Variants in HTR1A observed in about 807,000 individuals in gnomAD.
HTR1A encodes 5-hydroxytryptamine receptor 1A, also known as 5-HT1a receptor.
HTR1A carries 17 observed loss-of-function variants against 24.6 expected under a neutral mutation model. The observed-to-expected ratio is 0.69, with a 90% CI of 0.47 to 1.04. The LOEUF (loss-of-function observed/expected upper bound fraction) is 1.04. HTR1A is among the 50% of genes least tolerant of loss of function. The probability of loss-of-function intolerance (pLI) is 0.00; values close to 1 mark genes in which losing one functional copy is unlikely to be tolerated. For missense variants in HTR1A, 515 were observed against 565.1 expected, an observed-to-expected ratio of 0.91 and a Z score of 0.90; for synonymous variants, 262 against 244.6, an observed-to-expected ratio of 1.07 and a Z score of -0.67.
chr5:63,960,698 C>T lies in HTR1A; in HGVS notation c.1022G>A (p.Arg341Lys), dbSNP rs747762187. The change falls in exon 1 of 1, where the codon AGG becomes AAG. Residue 341 changes from arginine to lysine, a missense_variant. By Grantham distance (26) the Arg-to-Lys change is conservative. This residue lies in a region of HTR1A where 381 missense variants were observed against 384.5 expected (regional missense o/e 0.99). Coordinates refer to ENST00000323865, the MANE Select transcript of HTR1A (RefSeq NM_000524.4). The stretch of plus-strand genomic sequence containing the variant: ...GATGCCCAGCGTCTTCACTGTCTTC[C>T]TCTCTCGGGCCAGGGCCATCTTGCG... The part of the protein sequence containing the change: ...AKRKMALARE[R>K]KTVKTLGIIM... 2.5e-6 allele frequency: 4 copies of T among 1,614,130 alleles called. No individual in the cohort carries two copies. In the African/African-American group the frequency reaches 5.3e-5, roughly 22 times the overall value.
Position 63,960,919 on chromosome 5 carries a change from C to T in HTR1A, c.801G>A (p.Val267=), listed in dbSNP as rs143647030. 3 of 1,614,052 alleles carry T rather than the reference C, an allele frequency of 1.9e-6. No homozygotes were observed. The highest frequency in any genetic ancestry group is 2.5e-6 in the Non-Finnish European group (3 of 1,179,924). Residue 267 remains valine, a synonymous_variant, in exon 1 of 1, where the codon GTG becomes GTA. Coordinates refer to ENST00000323865, the MANE Select transcript of HTR1A (RefSeq NM_000524.4). ...ACAGAGCACCCCCAGCCTTGCTCTC[C>T]ACGCCCAGCCTCCAGTTCCTGCTCC... ...ESGSRNWRLG[V]ESKAGGALCA... is the part of the protein sequence containing the mutation.
At position 63,959,792 on chromosome 5, in the gene HTR1A, A is replaced by T. The variant is rs1482567047; in HGVS notation, c.*659T>A. Among the ~76,000 whole-genome samples the T allele has an allele frequency of 6.6e-6, 1 of 152,218 alleles. No homozygotes were observed. The highest frequency in any genetic ancestry group is 2.4e-5 in the African/African-American group (1 of 41,470). The stretch of plus-strand genomic sequence containing the variant: ...GGGTTGTGCACTGCACGAGAGAGTT[A>T]ATCTCAAGTCTGCGAGAAGACGGGG... On this transcript the variant is annotated 3_prime_UTR_variant, in exon 1 of 1. Transcript: ENST00000323865.
Position 63,960,316 on chromosome 5 carries a change from C to G in HTR1A, c.*135G>C, listed in dbSNP as rs1039048885. The stretch of plus-strand genomic sequence containing the variant: ...GCAGGAAGTGGGGAGGGGACCAGGT[C>G]TGCAAGCCGTGAGCGGAGCAGAGAG... On this transcript the variant is annotated 3_prime_UTR_variant, in exon 1 of 1. Coordinates refer to ENST00000323865, the MANE Select transcript of HTR1A (RefSeq NM_000524.4). The G allele has an allele frequency of 1.0e-6, 1 of 980,382 alleles. No homozygotes were observed. Among genetic ancestry groups the G allele is most frequent in the East Asian group, 2.4e-5 (1 of 41,844 alleles). The allele number at this position is 980,382 out of a possible 1,614,324, so 60.7% of individuals were successfully genotyped here.
chr5:63,958,309 C>G lies in HTR1A; in HGVS notation c.*2142G>C, dbSNP rs1025688739. 5.3e-5 allele frequency among the ~76,000 whole-genome samples: 8 copies of G among 152,140 alleles called. No homozygotes were observed. The highest frequency in any genetic ancestry group is 1.9e-4 in the African/African-American group (8 of 41,424). ...TTATACATGCATAGACAAACTATTCCCAAAGTTCTAAAACTTTCCCTGTTT... is the reference window on the plus strand; with the variant it reads ...TTATACATGCATAGACAAACTATTCGCAAAGTTCTAAAACTTTCCCTGTTT... On this transcript the variant is annotated 3_prime_UTR_variant, in exon 1 of 1. Transcript: ENST00000323865.
In HTR1A at chr5:63,958,492, G is replaced by A. The variant is rs1278154733; in HGVS notation, c.*1959C>T. ...AATGAACTTTTCACTGGCAATTTTT[G>A]CAATCTGTAAATGTAATACGGTTCT... On this transcript the variant is annotated 3_prime_UTR_variant, in exon 1 of 1. Coordinates refer to ENST00000323865, the MANE Select transcript of HTR1A (RefSeq NM_000524.4). Among the ~76,000 whole-genome samples, 1 of 152,128 alleles carries A rather than the reference G, an allele frequency of 6.6e-6. No homozygotes were observed. Among genetic ancestry groups the A allele is most frequent in the African/African-American group, 2.4e-5 (1 of 41,432 alleles).
At position 63,960,721 on chromosome 5, in the gene HTR1A, G is replaced by A; in HGVS notation, c.999C>T (p.Arg333=). Residue 333 remains arginine (R), a synonymous_variant, in exon 1 of 1, where the codon CGC becomes CGT. Transcript: ENST00000323865. ...RKNERNAEAK[R]KMALARERKT... ...TCCTCTCTCGGGCCAGGGCCATCTT[G>A]CGCTTCGCCTCGGCGTTGCGCTCAT... 1 of 1,614,262 alleles carries A rather than the reference G, an allele frequency of 6.2e-7. No homozygotes were observed.
Position 63,962,066 on chromosome 5 carries a change from G to C in HTR1A, c.-347C>G. 1 of 414,542 alleles carries C rather than the reference G, an allele frequency of 2.4e-6. No homozygotes were observed. Among genetic ancestry groups the C allele is most frequent in the Non-Finnish European group, 4.5e-6 (1 of 220,336 alleles). The allele number at this position is 414,542 out of a possible 1,614,324, so 25.7% of individuals were successfully genotyped here. A position where few individuals can be genotyped will look rare whatever the true frequency, so the allele number is the denominator to read the frequency against. On this transcript the variant is annotated 5_prime_UTR_variant, in exon 1 of 1. Coordinates refer to ENST00000323865, the MANE Select transcript of HTR1A (RefSeq NM_000524.4). ...GCTCCCGAACTGGCTGCCGGAGCTGGAGTCTCCCCACTAGCAAACAGTCTC... is the reference window on the plus strand; with the variant it reads ...GCTCCCGAACTGGCTGCCGGAGCTGCAGTCTCCCCACTAGCAAACAGTCTC...
Position 63,960,735 on chromosome 5 carries a change from C to G in HTR1A, c.985G>C (p.Ala329Pro). Residue 329 changes from alanine to proline, a missense_variant, in exon 1 of 1, where the codon GCC becomes CCC. This residue lies in a region of HTR1A where 381 missense variants were observed against 384.5 expected (regional missense o/e 0.99). Coordinates refer to ENST00000323865, the MANE Select transcript of HTR1A (RefSeq NM_000524.4). ...AGGGCCATCTTGCGCTTCGCCTCGG[C>G]GTTGCGCTCATTTTTCCTCTCGAAA... Reference protein sequence around the residue: ...ASFERKNERNAEAKRKMALAR... With the variant: ...ASFERKNERNPEAKRKMALAR... 2 of 1,614,222 alleles carry G rather than the reference C, an allele frequency of 1.2e-6. No homozygotes were observed. The highest frequency in any genetic ancestry group is 1.7e-6 in the Non-Finnish European group (2 of 1,180,026).
At position 63,961,654 on chromosome 5, in the gene HTR1A, G is replaced by A. The variant is rs200335552; in HGVS notation, c.66C>T (p.Gly22=). 39 of 1,613,834 alleles carry A rather than the reference G, an allele frequency of 2.4e-5. 1 individual carries two copies. In the African/African-American group the frequency reaches 3.6e-4, roughly 15 times the overall value. The change falls in exon 1 of 1, where the codon GGC becomes GGT. Residue 22 remains glycine, a synonymous_variant. Transcript: ENST00000323865. Reference sequence around the variant, plus strand: ...CGTCGGAGATACCAGTAGTGTTGCCGCCGGTCTCAAAGGGAGCCGGTGGTG... The same window carrying A: ...CGTCGGAGATACCAGTAGTGTTGCCACCGGTCTCAAAGGGAGCCGGTGGTG... ...TTSPPAPFET[G]GNTTGISDVT...
At position 63,959,456 on chromosome 5, in the gene HTR1A, G is replaced by C. The variant is rs938132613; in HGVS notation, c.*995C>G. Reference sequence around the variant, plus strand: ...CGAGAGCACAGATGGCTGGGGAGGCGCGCGGATTCCAGGCCTCTCAGCTTC... The same window carrying C: ...CGAGAGCACAGATGGCTGGGGAGGCCCGCGGATTCCAGGCCTCTCAGCTTC... On this transcript the variant is annotated 3_prime_UTR_variant, in exon 1 of 1. Coordinates refer to ENST00000323865, the MANE Select transcript of HTR1A (RefSeq NM_000524.4). Among the ~76,000 whole-genome samples, 1 of 152,378 alleles carries C rather than the reference G, an allele frequency of 6.6e-6. No homozygotes were observed. Among genetic ancestry groups the C allele is most frequent in the African/African-American group, 2.4e-5 (1 of 41,602 alleles).
In HTR1A at chr5:63,959,197, A is replaced by C. The variant is rs1406942853; in HGVS notation, c.*1254T>G. On this transcript the variant is annotated 3_prime_UTR_variant, in exon 1 of 1. Coordinates refer to ENST00000323865, the MANE Select transcript of HTR1A (RefSeq NM_000524.4). Reference sequence around the variant, plus strand: ...TTGCTCTTTCAGGTTTTACTGGGGGAGCCAGCTGGAGCCTTGGGCACGCGC... The same window carrying C: ...TTGCTCTTTCAGGTTTTACTGGGGGCGCCAGCTGGAGCCTTGGGCACGCGC... Among the ~76,000 whole-genome samples the C allele has an allele frequency of 6.6e-6, 1 of 152,176 alleles. No individual in the cohort carries two copies. The highest frequency in any genetic ancestry group is 6.5e-5 in the Admixed American group (1 of 15,280).
rs1346032728 is a variant in HTR1A at position 63,960,108 on chromosome 5, T to C, written c.*343A>G. ...ATTTTTTGGATTTTCTGCCTTGAAC[T>C]AAGCATTAAACATCCACCGCAAAGA... On this transcript the variant is annotated 3_prime_UTR_variant, in exon 1 of 1. Transcript: ENST00000323865. 2.0e-5 allele frequency among the ~76,000 whole-genome samples: 3 copies of C among 152,200 alleles called. No homozygotes were observed. The highest frequency in any genetic ancestry group is 4.8e-5 in the African/African-American group (2 of 41,450).
In HTR1A at chr5:63,960,438, T is replaced by C. The variant is rs575278385; in HGVS notation, c.*13A>G. ...GATCCTGTAGCCTCGACTGGCCGGC[T>C]ACTCCTCCGTCATCACTGGCGGCAG... On this transcript the variant is annotated 3_prime_UTR_variant, in exon 1 of 1. Transcript: ENST00000323865. 19 of 1,613,864 alleles carry C rather than the reference T, an allele frequency of 1.2e-5. No homozygotes were observed. Among genetic ancestry groups the C allele is most frequent in the Middle Eastern group, 1.7e-4 (1 of 6,054 alleles).
At position 63,961,525 on chromosome 5, in the gene HTR1A, G is replaced by A. The variant is rs138037185; in HGVS notation, c.195C>T (p.Arg65=). The A allele has an allele frequency of 3.0e-4, 477 of 1,614,262 alleles. 3 individuals are homozygous for A. The highest frequency in any genetic ancestry group is 8.2e-4 in the Middle Eastern group (5 of 6,062). ...GATAATTGGCCACGTTCTGCAGGGA[G>A]CGCTCCAAGGCGATGGCAGCCACCA... The part of the protein sequence containing the change: ...ACVVAAIALE[R]SLQNVANYLI... Residue 65 remains arginine, a synonymous_variant, in exon 1 of 1, where the codon CGC becomes CGT. Coordinates refer to ENST00000323865, the MANE Select transcript of HTR1A (RefSeq NM_000524.4).
Position 63,960,977 on chromosome 5 carries a change from G to A in HTR1A, c.743C>T (p.Pro248Leu). The A allele has an allele frequency of 6.2e-7, 1 of 1,614,202 alleles. No homozygotes were observed. The highest frequency in any genetic ancestry group is 8.5e-7 in the Non-Finnish European group (1 of 1,180,048). Residue 248 changes from proline to leucine, a missense_variant, in exon 1 of 1, where the codon CCG becomes CTG. By Grantham distance (98) the Pro-to-Leu change is moderately conservative. Transcript: ENST00000323865. Reference protein sequence around the residue: ...ADTRHGASPAPQPKKSVNGES... With the variant: ...ADTRHGASPALQPKKSVNGES... ...TCCATTCACACTCTTCTTGGGCTGCGGGGCGGGAGATGCTCCATGGCGGGT... is the reference window on the plus strand; with the variant it reads ...TCCATTCACACTCTTCTTGGGCTGCAGGGCGGGAGATGCTCCATGGCGGGT...
rs1746406639 is a variant in HTR1A, at chr5:63,960,547, G to C, written c.1173C>G (p.Ser391=). The change falls in exon 1 of 1, where the codon TCC becomes TCG. Residue 391 remains serine (S), a synonymous_variant. Coordinates refer to ENST00000323865, the MANE Select transcript of HTR1A (RefSeq NM_000524.4). The stretch of plus-strand genomic sequence containing the variant: ...AAATGACGGGGTTAAGCAGAGAGTT[G>C]GAGTAGCCCAGCCAATTGATTATGG... The part of the protein sequence containing the change: ...LGAIINWLGY[S]NSLLNPVIYA... 6.2e-7 allele frequency: 1 copy of C among 1,614,100 alleles called. No homozygotes were observed. The highest frequency in any genetic ancestry group is 8.5e-7 in the Non-Finnish European group (1 of 1,180,052).
rs946178666 is a variant in HTR1A, at chr5:63,958,520, A to G, written c.*1931T>C. On this transcript the variant is annotated 3_prime_UTR_variant, in exon 1 of 1. Transcript: ENST00000323865. ...ATCTGTAAATGTAATACGGTTCTCA[A>G]AACAGCAAATGAAAACATTCGAAAG... is the stretch of plus-strand genomic sequence containing the variant. Among the ~76,000 whole-genome samples the G allele has an allele frequency of 1.3e-5, 2 of 152,242 alleles. No homozygotes were observed. The highest frequency in any genetic ancestry group is 4.8e-5 in the African/African-American group (2 of 41,466).
In HTR1A at chr5:63,960,864, C is replaced by A. The variant is rs1366606163; in HGVS notation, c.856G>T (p.Asp286Tyr). The stretch of plus-strand genomic sequence containing the variant: ...TCGATCACCTCCAGGGCGGCGCCAT[C>A]GTCACCTTGCCTCACCGCGCCATTG... ...CANGAVRQGD[D>Y]GAALEVIEVH... The change falls in exon 1 of 1, where the codon GAT (aspartate) becomes TAT (tyrosine). Residue 286 changes from aspartate to tyrosine, a missense_variant. By Grantham distance (160) the Asp-to-Tyr change is radical. Transcript: ENST00000323865. The A allele has an allele frequency of 1.2e-6, 2 of 1,613,980 alleles. No homozygotes were observed. Among genetic ancestry groups the A allele is most frequent in the African/African-American group, 2.7e-5 (2 of 74,954 alleles).
At position 63,960,505 on chromosome 5, in the gene HTR1A, C is replaced by T; in HGVS notation, c.1215G>A (p.Lys405=). The T allele has an allele frequency of 2.5e-6, 4 of 1,614,174 alleles. No individual in the cohort carries two copies. Among genetic ancestry groups the T allele is most frequent in the Non-Finnish European group, 3.4e-6 (4 of 1,180,034 alleles). ...LNPVIYAYFN[K]DFQNAFKKII... is the part of the protein sequence containing the mutation. Reference sequence around the variant, plus strand: ...TCTTCTTAAACGCGTTTTGAAAGTCCTTGTTGAAGTATGCGTAAATGACGG... The same window carrying T: ...TCTTCTTAAACGCGTTTTGAAAGTCTTTGTTGAAGTATGCGTAAATGACGG... Residue 405 remains lysine (K), a synonymous_variant, in exon 1 of 1, where the codon AAG becomes AAA. Coordinates refer to ENST00000323865, the MANE Select transcript of HTR1A (RefSeq NM_000524.4).
Sources: gnomAD v4.1 joint callset for allele counts (sites outside exome capture counted in the v4.1 genomes callset) on GRCh38, gnomAD v4.1.1 for gene constraint, gnomAD v4.1.1 regional missense constraint, MANE v1.5 for transcripts, NCBI Gene and HGNC (gene_info 2026-07-23, HGNC 2026-07-21) for gene names.